Variants in GRIK4 observed in about 807,000 individuals in gnomAD.
GRIK4 encodes the protein glutamate receptor ionotropic, kainate 4.
GRIK4 carries 40 observed loss-of-function variants against 104.9 expected under a neutral mutation model. That is an observed-to-expected ratio of 0.38 (90% CI 0.30 to 0.50). GRIK4 has a LOEUF of 0.50. Ranked by LOEUF, GRIK4 falls within the 20% of genes least tolerant of loss-of-function variation. The pLI, the probability that GRIK4 is intolerant of heterozygous loss-of-function variation, is 0.93. For synonymous variants in GRIK4, 485 were observed against 524.9 expected (o/e 0.92, Z 1.04); for missense variants, 1,047 against 1,308.1 (o/e 0.80, Z 3.08).
chr11:120,833,758 A>T (rs1953498501), intron 7 of GRIK4, among the ~76,000 whole-genome samples: 1 of 152,154 alleles, frequency 6.6e-6, no homozygotes, highest in South Asian at 2.1e-4. Flanking sequence ...CTATTTAACC[A>T]CTGTTAAATT....
intron 1 of GRIK4, among the ~76,000 whole-genome samples, chr11:120,624,397 C>T (rs1949228526): frequency 1.3e-5 from 2 of 152,050 alleles, no homozygotes; most frequent in African/African-American, 4.8e-5. Context: ...GAGGTCCTGG[C>T]CCCAAAGCTA....
intron 1 of GRIK4, among the ~76,000 whole-genome samples, chr11:120,548,667 TG>T (rs1948109958): frequency 1.3e-5 from 2 of 152,138 alleles, no homozygotes; most frequent in Non-Finnish European, 2.9e-5. Flanking sequence ...GGGAGGATTT[TG>T]GACAGGGAAG....
intron 3 of GRIK4, among the ~76,000 whole-genome samples, chr11:120,769,696 G>A (rs748525337): frequency 1.3e-5 from 2 of 152,296 alleles, no homozygotes; most frequent in East Asian, 1.9e-4. Context: ...TTCCTGGAGC[G>A]TGGTTTCAGT....
At chr11:120,600,247 G>A (rs761798029) in intron 1 of GRIK4, among the ~76,000 whole-genome samples, 12 of 152,154 alleles carry the variant, frequency 7.9e-5, no homozygotes, top group African/African-American at 1.4e-4. Flanking sequence ...CCAGGCTTCC[G>A]GCTTCTCAGC....
At chr11:120,757,338 AG>A (rs2135433977) in intron 3 of GRIK4, among the ~76,000 whole-genome samples, 1 of 152,364 alleles carries the variant, frequency 6.6e-6, no homozygotes, top group East Asian at 1.9e-4. Flanking sequence ...GCCAAACCTC[AG>A]CTCTGTCTCT....
chr11:120,659,170 T>TG (rs935881957), intron 2 of GRIK4, among the ~76,000 whole-genome samples: 1 of 151,970 alleles, frequency 6.6e-6, no homozygotes, highest in Non-Finnish European at 1.5e-5. Flanking sequence ...TGGGTCTCAG[T>TG]GGGGGCCAAG....
intron 9 of GRIK4, chr11:120,873,540 G>A (rs1162158409): frequency 6.6e-6 from 1 of 152,432 alleles, no homozygotes; most frequent in Non-Finnish European, 1.5e-5. Flanking sequence ...AACTTACCAT[G>A]TGCTTCATAC....
chr11:120,618,246 T>A (rs1031400437), intron 1 of GRIK4, among the ~76,000 whole-genome samples: 2 of 152,180 alleles, frequency 1.3e-5, no homozygotes, highest in Admixed American at 1.3e-4. Flanking sequence ...ATCTTGAGAG[T>A]GATGATTTAG....
At chr11:120,930,590 A>T (rs1943463406) in intron 13 of GRIK4, among the ~76,000 whole-genome samples, 1 of 152,216 alleles carries the variant, frequency 6.6e-6, no homozygotes, top group Non-Finnish European at 1.5e-5. Flanking sequence ...AGTATATGCC[A>T]TGGTGGGTGG....
chr11:120,684,733 C>T (rs1182600426), intron 3 of GRIK4, among the ~76,000 whole-genome samples: 4 of 150,916 alleles, frequency 2.7e-5, no homozygotes, highest in Non-Finnish European at 4.4e-5. Context: ...TTTTTGGAGA[C>T]GGAGTCTCGC....
At chr11:120,911,430 G>T (rs1490093698) in intron 13 of GRIK4, among the ~76,000 whole-genome samples, 75 of 148,674 alleles carry the variant, frequency 5.0e-4, no homozygotes, top group African/African-American at 1.5e-3. Context: ...GTAGAGACGG[G>T]GTTTCACCGT....
chr11:120,834,336 G>C (rs971278373), intron 7 of GRIK4, among the ~76,000 whole-genome samples: 11 of 151,386 alleles, frequency 7.3e-5, no homozygotes, highest in Non-Finnish European at 1.5e-4. Context: ...CTGTAGTGTA[G>C]TGATCATTAT....
chr11:120,618,361 T>C (rs1949141772), intron 1 of GRIK4, among the ~76,000 whole-genome samples: 1 of 152,230 alleles, frequency 6.6e-6, no homozygotes, highest in Non-Finnish European at 1.5e-5. Context: ...GACTTAAAGC[T>C]GGAACTTATA....
At chr11:120,616,012 T>C (rs1011997591) in intron 1 of GRIK4, among the ~76,000 whole-genome samples, 7 of 152,066 alleles carry the variant, frequency 4.6e-5, no homozygotes, top group Admixed American at 2.0e-4. Context: ...GTTTGTCTCC[T>C]CCAGGACCCA....
chr11:120,960,102 G>A (rs1454177319), intron 16 of GRIK4, among the ~76,000 whole-genome samples: 3 of 152,122 alleles, frequency 2.0e-5, no homozygotes, highest in Admixed American at 6.5e-5. Context: ...AGGCCAAGGC[G>A]GGTGGATCAC....
chr11:120,786,054 C>T (rs546254811), intron 3 of GRIK4, among the ~76,000 whole-genome samples: 3 of 152,362 alleles, frequency 2.0e-5, no homozygotes, highest in Admixed American at 6.5e-5. Flanking sequence ...GATCCAAGTC[C>T]TCCCCTGCCT....
In GRIK4 at chr11:120,985,822, T is replaced by A; in HGVS notation, c.2515-82T>A. 6 of 1,285,490 alleles carry A rather than the reference T, an allele frequency of 4.7e-6. No individual in the cohort carries two copies. In the South Asian group the frequency reaches 7.9e-5, roughly 17 times the overall value. The allele number at this position is 1,285,490 out of a possible 1,614,324, so 79.6% of individuals were successfully genotyped here. ...CACGATTCTGTGACCGCTGCCCCCT[T>A]CATCCCTCATCCCAGCGGACTCGCA... On this transcript the variant is annotated intron_variant, in intron 20 of 20. Coordinates refer to ENST00000527524, the MANE Select transcript of GRIK4 (RefSeq NM_014619.5).
rs1944057197 is a variant in GRIK4 at position 120,953,486 on chromosome 11, G to A, written c.1700+522G>A. ...CTTTCTCTGCAGACAGCCTGGGCCT[G>A]CCTCTGAAAACACAGCTGCCTTGTC... is the stretch of plus-strand genomic sequence containing the variant. On this transcript the variant is annotated intron_variant, in intron 15 of 20. Coordinates refer to ENST00000527524, the MANE Select transcript of GRIK4 (RefSeq NM_014619.5). The surrounding 1 kb of genome is among the most constrained non-coding windows in gnomAD (Gnocchi z 4.9). 6.6e-6 allele frequency among the ~76,000 whole-genome samples: 1 copy of A among 152,212 alleles called. No individual in the cohort carries two copies. The highest frequency in any genetic ancestry group is 1.5e-5 in the Non-Finnish European group (1 of 68,040).
rs1242871489 is a variant in GRIK4, at chr11:120,940,364, G to T, written c.1494G>T (p.Val498=). Residue 498 remains valine (V), a synonymous_variant, in exon 14 of 21, where the codon GTG becomes GTT. Transcript: ENST00000527524. The surrounding 1 kb of genome is among the most constrained non-coding windows in gnomAD (Gnocchi z 4.3). The stretch of plus-strand genomic sequence containing the variant: ...CTTTTCAGAAAGCAGATCTGGCTGT[G>T]GCAGGCCTCACCATTACAGCTGAAC... ...ELIARKADLA[V]AGLTITAERE... 1 of 1,611,890 alleles carries T rather than the reference G, an allele frequency of 6.2e-7. No individual in the cohort carries two copies. The highest frequency in any genetic ancestry group is 1.7e-5 in the Admixed American group (1 of 59,950).
Sources: allele counts gnomAD v4.1 joint callset (sites outside exome capture counted in the v4.1 genomes callset), GRCh38; gene constraint gnomAD v4.1.1; non-coding constraint Gnocchi (gnomAD v3.1); transcripts MANE v1.5; gene names NCBI Gene and HGNC (gene_info 2026-07-23, HGNC 2026-07-21).